Variants in VPS37A observed in about 807,000 individuals in gnomAD.
VPS37A encodes VPS37A subunit of ESCRT-I.
Under a neutral mutation model 49.8 loss-of-function variants are expected in VPS37A, and 30 were observed. That is an observed-to-expected ratio of 0.60 (90% confidence interval 0.45 to 0.82). The LOEUF (loss-of-function observed/expected upper bound fraction) is 0.82. Among genes scored for constraint, VPS37A ranks in the 40% least tolerant of loss-of-function variants. VPS37A has a pLI of 0.00. For synonymous variants in VPS37A, 195 were observed against 160.6 expected (o/e 1.21, Z -1.62); for missense variants, 593 against 464.4 (o/e 1.28, Z -2.55).
chr8:17,299,722 T>G, downstream of VPS37A: 1 of 1,227,318 alleles, frequency 8.1e-7, no homozygotes, highest in South Asian at 1.6e-5. Context: ...AACTGGGCAC[T>G]TTTTTCCCTT....
intron 1 of VPS37A, among the ~76,000 whole-genome samples, chr8:17,265,148 C>T (rs997828447): frequency 5.3e-5 from 8 of 152,162 alleles, no homozygotes; most frequent in Non-Finnish European, 1.0e-4. Flanking sequence ...GGCTTCAATT[C>T]TCAGAGTCAC....
chr8:17,317,443 T>C, the VPS37A span, among the ~76,000 whole-genome samples: 5 of 152,204 alleles, frequency 3.3e-5, no homozygotes, highest in Admixed American at 6.5e-5. Context: ...ATGGGTCTCA[T>C]TCTTCCATAC....
At position 17,267,401 on chromosome 8, in the gene VPS37A, T is replaced by C. The variant is rs139413939; in HGVS notation, c.201-857T>C. Among the ~76,000 whole-genome samples, 4 of 152,284 alleles carry C rather than the reference T, an allele frequency of 2.6e-5. No individual in the cohort carries two copies. The East Asian group carries it at 7.7e-4, about 29-fold the overall frequency. The stretch of plus-strand genomic sequence containing the variant: ...ACAGGGTTTCATATCCAGTAAACTC[T>C]CATTTTTAAGATTTCACTCACTAAT... On this transcript the variant is annotated intron_variant, in intron 2 of 11. Transcript: ENST00000324849.
At chr8:17,293,704 G>T (rs912816058) in intron 11 of VPS37A, among the ~76,000 whole-genome samples, 28 of 152,076 alleles carry the variant, frequency 1.8e-4, no homozygotes, top group African/African-American at 6.8e-4. Flanking sequence ...TTTCTAACAA[G>T]CCCCTCTTCT....
rs993865464 is a variant in VPS37A at position 17,255,682 on chromosome 8, C to T, written c.125+8313C>T. On this transcript the variant is annotated intron_variant, in intron 1 of 11. Transcript: ENST00000324849. ...CTTTTATCAACTGTATATTTAAACT[C>T]ACTAATTAATTTCATTTCCCCTCCT... is the stretch of plus-strand genomic sequence containing the variant. Among the ~76,000 whole-genome samples the T allele has an allele frequency of 4.6e-5, 7 of 152,148 alleles. No homozygotes were observed. The South Asian group carries it at 6.2e-4, about 14-fold the overall frequency.
chr8:17,315,468 T>C, the VPS37A span, among the ~76,000 whole-genome samples: 3 of 152,174 alleles, frequency 2.0e-5, no homozygotes, highest in African/African-American at 7.2e-5. Flanking sequence ...CAGTGGACTT[T>C]GAGTGATACC....
chr8:17,299,855 G>A, downstream of VPS37A: 1 of 1,613,460 alleles, frequency 6.2e-7, no homozygotes, highest in South Asian at 1.1e-5. Flanking sequence ...AACTCCAAAG[G>A]GAAACTTCAG....
At chr8:17,309,554 A>C in the VPS37A span, among the ~76,000 whole-genome samples, 1 of 152,244 alleles carries the variant, frequency 6.6e-6, no homozygotes, top group Admixed American at 6.5e-5. Context: ...ATAAAAATGC[A>C]GGAACCCCAC....
intron 5 of VPS37A, 49 bp from the exon 6 acceptor site, chr8:17,276,348 A>G: frequency 7.0e-7 from 1 of 1,427,390 alleles, no homozygotes; most frequent in Non-Finnish European, 9.8e-7. Context: ...AATTGAGAGC[A>G]GTCAAAAATA....
intron 6 of VPS37A, 137 bp downstream of exon 6, chr8:17,276,604 A>T: frequency 1.2e-6 from 1 of 849,602 alleles, no homozygotes; most frequent in Non-Finnish European, 1.8e-6. Flanking sequence ...CCTTAGTGGG[A>T]TTTAAAAATC....
chr8:17,267,478 T>TGG (rs1813581522), intron 2 of VPS37A, among the ~76,000 whole-genome samples: 2 of 151,916 alleles, frequency 1.3e-5, no homozygotes, highest in African/African-American at 2.4e-5. Flanking sequence ...TGTGTGTGTG[T>TGG]GTGTGTGTTG....
intron 11 of VPS37A, among the ~76,000 whole-genome samples, chr8:17,288,648 C>G (rs978817518): frequency 6.6e-6 from 1 of 152,144 alleles, no homozygotes; most frequent in Non-Finnish European, 1.5e-5. Context: ...GGTTCCAAGT[C>G]TTTGCTATTG....
At chr8:17,267,544 T>G (rs1813589714) in intron 2 of VPS37A, among the ~76,000 whole-genome samples, 1 of 152,126 alleles carries the variant, frequency 6.6e-6, no homozygotes, top group Admixed American at 6.5e-5. Flanking sequence ...TTGGGAGAGA[T>G]GTGTCATTTG....
At chr8:17,326,769 GC>G in the VPS37A span, among the ~76,000 whole-genome samples, 1 of 152,308 alleles carries the variant, frequency 6.6e-6, no homozygotes, top group East Asian at 1.9e-4. Flanking sequence ...TGAGAACGCA[GC>G]CCAGCTGCCA....
downstream of VPS37A, among the ~76,000 whole-genome samples, chr8:17,307,337 C>T (rs1366147949): frequency 1.1e-4 from 16 of 152,212 alleles, no homozygotes; most frequent in East Asian, 1.3e-3. Context: ...CACAATGATA[C>T]ACCATCTCAC....
intron 1 of VPS37A, among the ~76,000 whole-genome samples, chr8:17,249,473 C>A (rs1240516138): frequency 1.3e-5 from 2 of 151,930 alleles, no homozygotes; most frequent in Non-Finnish European, 2.9e-5. Context: ...GTTTTAAGTT[C>A]TTTTATAAAA....
At chr8:17,262,239 A>G (rs1813026475) in intron 1 of VPS37A, among the ~76,000 whole-genome samples, 1 of 152,056 alleles carries the variant, frequency 6.6e-6, no homozygotes, top group South Asian at 2.1e-4. Flanking sequence ...CGTTGGTGTT[A>G]ATCTTAGTGT....
At chr8:17,326,225 G>T in the VPS37A span, 3 of 152,104 alleles carry the variant, frequency 2.0e-5, no homozygotes, top group Non-Finnish European at 4.4e-5. Context: ...AAAAATGGTG[G>T]TTCTACCACT....
chr8:17,308,389 T>C, the VPS37A span, among the ~76,000 whole-genome samples: 1 of 152,168 alleles, frequency 6.6e-6, no homozygotes, highest in East Asian at 1.9e-4. Context: ...CATTGGTAAA[T>C]GGAATTCCTA....
Sources: allele counts gnomAD v4.1 joint callset (sites outside exome capture counted in the v4.1 genomes callset), GRCh38; gene constraint gnomAD v4.1.1; transcripts MANE v1.5; gene names NCBI Gene and HGNC (gene_info 2026-07-23, HGNC 2026-07-21).